Variants in CACNA2D3 observed in about 807,000 individuals in gnomAD.
The protein encoded by CACNA2D3 is calcium voltage-gated channel auxiliary subunit alpha2delta 3.
In CACNA2D3, 60 loss-of-function variants were observed where a neutral mutation model predicts 160.6. That is an observed-to-expected ratio of 0.37 (90% CI 0.30 to 0.46). The LOEUF is 0.46. Among genes scored for constraint, CACNA2D3 ranks in the 20% least tolerant of loss-of-function variants. The pLI is 1.00. For synonymous variants in CACNA2D3, 558 were observed against 492.9 expected, an observed-to-expected ratio of 1.13 and a Z score of -1.75; for missense variants, 1,205 against 1,365.0, an observed-to-expected ratio of 0.88 and a Z score of 1.85.
intron 11 of CACNA2D3, among the ~76,000 whole-genome samples, chr3:54,750,163 G>A (rs1394068300): frequency 6.6e-6 from 1 of 152,200 alleles, no homozygotes; most frequent in Admixed American, 6.5e-5. Context: ...TTTTAACTAT[G>A]TCTCCAAGAG....
chr3:54,137,122 C>T (rs145773958), intron 2 of CACNA2D3, among the ~76,000 whole-genome samples: 3 of 152,324 alleles, frequency 2.0e-5, no homozygotes, highest in Non-Finnish European at 2.9e-5. Flanking sequence ...TGGAGCTGCT[C>T]TTCCCCTGAG....
At chr3:54,617,871 C>G (rs1277429343) in intron 9 of CACNA2D3, among the ~76,000 whole-genome samples, 1 of 152,024 alleles carries the variant, frequency 6.6e-6, no homozygotes, top group Non-Finnish European at 1.5e-5. Context: ...CCCTGTCCCT[C>G]CCTTCACTGA....
chr3:54,511,343 G>A (rs1701455678), intron 5 of CACNA2D3, among the ~76,000 whole-genome samples: 1 of 152,052 alleles, frequency 6.6e-6, no homozygotes, highest in African/African-American at 2.4e-5. Flanking sequence ...TGGAGGCAGG[G>A]GCTGTGTTTT....
At chr3:54,585,726 A>G (rs1365013680) in intron 9 of CACNA2D3, among the ~76,000 whole-genome samples, 3 of 152,294 alleles carry the variant, frequency 2.0e-5, no homozygotes, top group South Asian at 2.1e-4. Flanking sequence ...GCTCAGTATC[A>G]TGAGAACAGC....
intron 17 of CACNA2D3, among the ~76,000 whole-genome samples, chr3:54,860,363 C>T (rs1256306285): frequency 6.6e-6 from 1 of 152,110 alleles, no homozygotes; most frequent in East Asian, 1.9e-4. Context: ...CCCAAAGGGC[C>T]TCTCCTGGAG....
intron 18 of CACNA2D3, among the ~76,000 whole-genome samples, chr3:54,871,830 A>T (rs1199547035): frequency 6.6e-6 from 1 of 152,116 alleles, no homozygotes; most frequent in Non-Finnish European, 1.5e-5. Context: ...CAGGCCAGCC[A>T]CCCCAGCTGC....
At chr3:54,930,896 AGAC>A (rs1701171694) in intron 27 of CACNA2D3, among the ~76,000 whole-genome samples, 1 of 152,202 alleles carries the variant, frequency 6.6e-6, no homozygotes, top group Admixed American at 6.5e-5. Context: ...CAGGAGTTCG[AGAC>A]CAGCCTGGCC....
intron 4 of CACNA2D3, among the ~76,000 whole-genome samples, chr3:54,492,475 C>T (rs769599054): frequency 7.9e-5 from 12 of 152,284 alleles, no homozygotes; most frequent in East Asian, 3.9e-4. Flanking sequence ...TTACTTATAG[C>T]GTGATCTTCC....
chr3:54,348,967 A>C (rs1413334413), intron 3 of CACNA2D3, among the ~76,000 whole-genome samples: 1 of 152,188 alleles, frequency 6.6e-6, no homozygotes, highest in Non-Finnish European at 1.5e-5. Context: ...ACCTTAAGTT[A>C]TCCTCCTGCC....
intron 11 of CACNA2D3, among the ~76,000 whole-genome samples, chr3:54,711,159 C>G (rs1385202124): frequency 6.6e-6 from 1 of 152,180 alleles, no homozygotes; most frequent in East Asian, 1.9e-4. Flanking sequence ...CAGCTTACCT[C>G]TCTGAGCCAG....
At chr3:55,064,581 C>A (rs1575459526) in intron 35 of CACNA2D3, among the ~76,000 whole-genome samples, 1 of 152,196 alleles carries the variant, frequency 6.6e-6, no homozygotes, top group East Asian at 1.9e-4. Flanking sequence ...CTCTGGACTT[C>A]ACTTATAAAA....
chr3:54,982,712 G>GTTT (rs77264838), intron 29 of CACNA2D3, among the ~76,000 whole-genome samples: 1 of 142,904 alleles, frequency 7.0e-6, no homozygotes, highest in Non-Finnish European at 1.5e-5. Context: ...CCATTTTTAT[G>GTTT]TTTTTTTTTT....
At chr3:54,665,394 G>C (rs1192507746) in intron 11 of CACNA2D3, among the ~76,000 whole-genome samples, 3 of 152,208 alleles carry the variant, frequency 2.0e-5, no homozygotes, top group Non-Finnish European at 4.4e-5. Context: ...GCATAGCATG[G>C]AGTGCCGAGT....
rs374093403 is a variant in CACNA2D3 at position 54,969,842 on chromosome 3, G to A, written c.2554G>A (p.Glu852Lys). ...CAAATGCTCCATCAGCTGTGATGAT[G>A]AGGTAAGACGGCCTCCTGGTCCTGT... ...DGKCSISCDD[E>K]TVNCYLIDNN... Residue 852 changes from glutamate (E) to lysine (K), a missense_variant and splice_region_variant, in exon 29 of 38, where the codon GAG becomes AAG. Around this residue, in one of 3 missense-constraint regions of CACNA2D3, gnomAD observed 911 missense variants for 1,002.2 expected, o/e 0.91. Transcript: ENST00000474759. The A allele has an allele frequency of 6.2e-7, 1 of 1,613,302 alleles. No individual in the cohort carries two copies. The highest frequency in any genetic ancestry group is 8.5e-7 in the Non-Finnish European group (1 of 1,179,532).
At chr3:54,393,145 C>G (rs1387967584) in intron 4 of CACNA2D3, among the ~76,000 whole-genome samples, 1 of 152,204 alleles carries the variant, frequency 6.6e-6, no homozygotes, top group African/African-American at 2.4e-5. Flanking sequence ...AAGGTGGGGT[C>G]AGTTCAAAAC....
intron 17 of CACNA2D3, among the ~76,000 whole-genome samples, chr3:54,853,909 A>G (rs1229918150): frequency 6.6e-6 from 1 of 151,420 alleles, no homozygotes; most frequent in Non-Finnish European, 1.5e-5. Flanking sequence ...TGTTCACGGA[A>G]CTTTCGGTGG....
intron 35 of CACNA2D3, among the ~76,000 whole-genome samples, chr3:55,066,211 G>A (rs971465795): frequency 5.9e-5 from 9 of 152,272 alleles, no homozygotes; most frequent in East Asian, 1.9e-4. Context: ...CCATCCAGCC[G>A]GGGAACAGGA....
chr3:54,350,800 G>A (rs888371632), intron 3 of CACNA2D3, among the ~76,000 whole-genome samples: 25 of 152,048 alleles, frequency 1.6e-4, no homozygotes, highest in African/African-American at 5.5e-4. Context: ...TTCTCTACCT[G>A]TCTGCTTACC....
At chr3:54,132,552 A>G (rs1019774713) in intron 2 of CACNA2D3, among the ~76,000 whole-genome samples, 8 of 152,226 alleles carry the variant, frequency 5.3e-5, no homozygotes, top group Non-Finnish European at 7.3e-5. Context: ...TCAACAGTAT[A>G]CATTTCCTGG....
Sources: allele counts gnomAD v4.1 joint callset (sites outside exome capture counted in the v4.1 genomes callset), GRCh38; gene constraint gnomAD v4.1.1; regional missense constraint gnomAD v4.1.1; transcripts MANE v1.5; gene names NCBI Gene and HGNC (gene_info 2026-07-23, HGNC 2026-07-21).